The following RASAL2 variants were observed in gnomAD, a reference collection of about 807,000 sequenced individuals.
RASAL2 encodes RAS protein activator like 2.
Under a neutral mutation model 128.9 loss-of-function variants are expected in RASAL2, and 58 were observed. The observed-to-expected ratio is 0.45, with a 90% confidence interval of 0.36 to 0.56. The LOEUF (loss-of-function observed/expected upper bound fraction) is 0.56. Among genes scored for constraint, RASAL2 ranks in the 20% least tolerant of loss-of-function variants. RASAL2 has a pLI of 0.00. For missense variants in RASAL2, 1,360 were observed against 1,601.6 expected (o/e 0.85, Z 2.57); for synonymous variants, 561 against 580.8 (o/e 0.97, Z 0.49).
At position 178,231,292 on chromosome 1, in the gene RASAL2, GATTA is replaced by G. The variant is rs141021398; in HGVS notation, c.203-52268_203-52265del. Among the ~76,000 whole-genome samples the G allele has an allele frequency of 2.4e-3, 369 of 152,194 alleles. 1 individual carries two copies. The highest frequency in any genetic ancestry group is 8.6e-3 in the African/African-American group (358 of 41,538). On this transcript the variant is annotated intron_variant, in intron 1 of 17. Coordinates refer to ENST00000367649, the MANE Select transcript of RASAL2 (RefSeq NM_170692.4). ...TCTGACTAGATACCTACTGTAACAAGATTAATTCTTTTTTCATATGCTTGTTGGC... is the reference window on the plus strand; with the variant it reads ...TCTGACTAGATACCTACTGTAACAAGATTCTTTTTTCATATGCTTGTTGGC...
chr1:178,211,795 A>G (rs868064330), intron 1 of RASAL2, among the ~76,000 whole-genome samples: 7 of 152,058 alleles, frequency 4.6e-5, no homozygotes, highest in African/African-American at 9.7e-5. Context: ...TTTTGTCCCC[A>G]TTGAATTCTG....
chr1:178,448,411 C>G (rs1677160437), intron 9 of RASAL2, among the ~76,000 whole-genome samples: 1 of 152,166 alleles, frequency 6.6e-6, no homozygotes, highest in Non-Finnish European at 1.5e-5. Flanking sequence ...AACAGGATCA[C>G]TGTGTTTACA....
intron 17 of RASAL2, among the ~76,000 whole-genome samples, chr1:178,469,582 A>G (rs994115772): frequency 6.6e-6 from 1 of 152,172 alleles, no homozygotes. Flanking sequence ...AATGGGAGAA[A>G]TGCTATCCTC....
chr1:178,384,005 G>C (rs534379470), intron 3 of RASAL2, among the ~76,000 whole-genome samples: 7 of 152,248 alleles, frequency 4.6e-5, no homozygotes, highest in Non-Finnish European at 7.4e-5. Flanking sequence ...TTTTAAAAAG[G>C]CTTTTGAAGT....
chr1:178,449,279 A>G (rs534290834), intron 9 of RASAL2, among the ~76,000 whole-genome samples: 1 of 152,208 alleles, frequency 6.6e-6, no homozygotes, highest in East Asian at 1.9e-4. Flanking sequence ...TACCTTTCCA[A>G]TTGAAATCAG....
At chr1:178,294,618 T>C (rs1315746122) in intron 2 of RASAL2, among the ~76,000 whole-genome samples, 1 of 152,206 alleles carries the variant, frequency 6.6e-6, no homozygotes, top group Non-Finnish European at 1.5e-5. Context: ...TATCTGTCTG[T>C]CCATCTATCG....
chr1:178,276,169 G>A (rs1313624430), intron 1 of RASAL2, among the ~76,000 whole-genome samples: 1 of 152,140 alleles, frequency 6.6e-6, no homozygotes. Context: ...CAGCCCAAAT[G>A]TTCATTGTGT....
intron 1 of RASAL2, among the ~76,000 whole-genome samples, chr1:178,149,775 C>A (rs1660852110): frequency 6.6e-6 from 1 of 152,072 alleles, no homozygotes; most frequent in Admixed American, 6.6e-5. Flanking sequence ...CTGAATGATT[C>A]TTTGTTGTAC....
At chr1:178,355,441 T>G (rs1670750392) in intron 3 of RASAL2, among the ~76,000 whole-genome samples, 1 of 152,156 alleles carries the variant, frequency 6.6e-6, no homozygotes. Flanking sequence ...AAAAATAAAG[T>G]GGAAGTGGAT....
intron 4 of RASAL2, chr1:178,411,523 T>A: frequency 1.7e-6 from 1 of 572,598 alleles, no homozygotes; most frequent in Non-Finnish European, 3.2e-6. Context: ...CAATCAGACA[T>A]GACCTATTCC....
chr1:178,267,679 G>A (rs1666034898), intron 1 of RASAL2, among the ~76,000 whole-genome samples: 1 of 149,368 alleles, frequency 6.7e-6, no homozygotes, highest in Non-Finnish European at 1.5e-5. Flanking sequence ...GGAATGCAGG[G>A]CTCACTGCAA....
intron 1 of RASAL2, among the ~76,000 whole-genome samples, chr1:178,160,875 G>A (rs1661264047): frequency 6.6e-6 from 1 of 152,166 alleles, no homozygotes; most frequent in Non-Finnish European, 1.5e-5. Flanking sequence ...GGTGGGACTT[G>A]TATTAAGTAT....
intron 1 of RASAL2, among the ~76,000 whole-genome samples, chr1:178,132,494 G>A (rs543189844): frequency 1.7e-4 from 26 of 152,222 alleles, no homozygotes; most frequent in Non-Finnish European, 3.1e-4. Flanking sequence ...ATCTAGAAGT[G>A]AATAGGATCA....
At chr1:178,251,297 G>C (rs1158490784) in intron 1 of RASAL2, among the ~76,000 whole-genome samples, 1 of 152,162 alleles carries the variant, frequency 6.6e-6, no homozygotes, top group Non-Finnish European at 1.5e-5. Flanking sequence ...TCTCTCCATT[G>C]ACAATAACTT....
chr1:178,175,494 C>A (rs1558096512), intron 1 of RASAL2, among the ~76,000 whole-genome samples: 1 of 145,658 alleles, frequency 6.9e-6, no homozygotes, highest in East Asian at 2.0e-4. Flanking sequence ...CTTTTTTCAC[C>A]AATTAAACGT....
chr1:178,219,795 TC>T (rs1663553702), intron 1 of RASAL2, among the ~76,000 whole-genome samples: 1 of 152,154 alleles, frequency 6.6e-6, no homozygotes, highest in African/African-American at 2.4e-5. Flanking sequence ...ATGTGACTCT[TC>T]CTTTCACCTG....
At chr1:178,383,221 T>A (rs1468805858) in intron 3 of RASAL2, among the ~76,000 whole-genome samples, 2 of 152,174 alleles carry the variant, frequency 1.3e-5, no homozygotes, top group Non-Finnish European at 2.9e-5. Context: ...GTGTGGGGCA[T>A]GCAAACTTGA....
chr1:178,427,652 TC>T (rs1557980930), intron 5 of RASAL2, among the ~76,000 whole-genome samples: 2 of 152,004 alleles, frequency 1.3e-5, no homozygotes, highest in Non-Finnish European at 2.9e-5. Flanking sequence ...TGTAGACTCT[TC>T]CCCCCAGCTT....
intron 1 of RASAL2, among the ~76,000 whole-genome samples, chr1:178,268,527 G>A (rs892584328): frequency 6.6e-6 from 1 of 151,946 alleles, no homozygotes; most frequent in Admixed American, 6.6e-5. Flanking sequence ...ATGGCTACTT[G>A]GGAGGATTGC....
Sources: allele counts gnomAD v4.1 joint callset (sites outside exome capture counted in the v4.1 genomes callset), GRCh38; gene constraint gnomAD v4.1.1; transcripts MANE v1.5; gene names NCBI Gene and HGNC (gene_info 2026-07-23, HGNC 2026-07-21).